The following GAS7 variants were observed in gnomAD, a reference collection of about 807,000 sequenced individuals.
GAS7 encodes growth arrest-specific protein 7.
In GAS7, 28 loss-of-function variants were observed where a neutral mutation model predicts 71.1. That is an observed-to-expected ratio of 0.39 (90% CI 0.29 to 0.54). The LOEUF is 0.54. Ranked by LOEUF, GAS7 falls within the 20% of genes least tolerant of loss-of-function variation. The probability of loss-of-function intolerance (pLI) is 0.62; values close to 1 mark genes in which losing one functional copy is unlikely to be tolerated. For synonymous variants in GAS7, 258 were observed against 245.8 expected, an observed-to-expected ratio of 1.05 and a Z score of -0.46; for missense variants, 436 against 627.8, an observed-to-expected ratio of 0.69 and a Z score of 3.27.
chr17:10,114,937 G>T (rs1038228597), intron 1 of GAS7, among the ~76,000 whole-genome samples: 6 of 152,210 alleles, frequency 3.9e-5, no homozygotes, highest in Non-Finnish European at 8.8e-5. Context: ...AGTCAGGGCT[G>T]CCTCCTCGCT....
intron 1 of GAS7, among the ~76,000 whole-genome samples, chr17:10,166,685 T>C (rs990201884): frequency 5.9e-5 from 9 of 152,260 alleles, no homozygotes; most frequent in Non-Finnish European, 1.3e-4. Context: ...CAGCCTTTAC[T>C]TACTATGAAC....
At chr17:9,983,199 C>T (rs1398650631) in intron 2 of GAS7, among the ~76,000 whole-genome samples, 1 of 152,020 alleles carries the variant, frequency 6.6e-6, no homozygotes, top group Non-Finnish European at 1.5e-5. Context: ...GAATACCTTT[C>T]CAAAATCTGT....
intron 1 of GAS7, among the ~76,000 whole-genome samples, chr17:10,039,531 A>C (rs1457354666): frequency 1.3e-5 from 2 of 152,046 alleles, no homozygotes; most frequent in African/African-American, 2.4e-5. Context: ...AAAATACAAA[A>C]AATTGGCTAG....
At chr17:9,922,242 G>C (rs1050864984) in intron 11 of GAS7, among the ~76,000 whole-genome samples, 1 of 152,116 alleles carries the variant, frequency 6.6e-6, no homozygotes, top group East Asian at 1.9e-4. Flanking sequence ...CTGAGGATCT[G>C]ATGTCTTTCC....
At chr17:10,172,573 A>C (rs1489888695) in intron 1 of GAS7, among the ~76,000 whole-genome samples, 1 of 152,270 alleles carries the variant, frequency 6.6e-6, no homozygotes, top group Non-Finnish European at 1.5e-5. Flanking sequence ...CAAAGAAAAA[A>C]TGAGGAACAT....
At chr17:10,133,130 T>TA (rs2074011933) in intron 1 of GAS7, among the ~76,000 whole-genome samples, 1 of 95,152 alleles carries the variant, frequency 1.1e-5, no homozygotes, top group Non-Finnish European at 2.5e-5. Flanking sequence ...ATATTTTTTT[T>TA]TTTTCTTTTT....
At chr17:10,087,231 T>G (rs1241135869) in intron 1 of GAS7, among the ~76,000 whole-genome samples, 3 of 152,152 alleles carry the variant, frequency 2.0e-5, no homozygotes. Flanking sequence ...AGCACATGGG[T>G]TCAGCTACCC....
chr17:10,002,424 A>G (rs970334013), intron 2 of GAS7, among the ~76,000 whole-genome samples: 1 of 151,018 alleles, frequency 6.6e-6, no homozygotes, highest in Non-Finnish European at 1.5e-5. Flanking sequence ...TATTTTTTTA[A>G]TTATACTTTA....
intron 11 of GAS7, chr17:9,924,626 C>G (rs567862076): frequency 1.3e-5 from 2 of 148,626 alleles, no homozygotes; most frequent in Non-Finnish European, 3.0e-5. Context: ...AAACGTTATC[C>G]TTCTATTACA....
chr17:9,916,288 GGCAGCCCAAAGGT>G lies in GAS7; in HGVS notation c.*927_*939del. 1 of 233,354 alleles carries G rather than the reference GGCAGCCCAAAGGT, an allele frequency of 4.3e-6. No homozygotes were observed. The highest frequency in any genetic ancestry group is 5.6e-5 in the Admixed American group (1 of 17,804). The allele number at this position is 233,354 out of a possible 1,614,324, so 14.5% of individuals were successfully genotyped here. A position where few individuals can be genotyped will look rare whatever the true frequency, so the allele number is the denominator to read the frequency against. ...GGCGGCCCGGGAGAGTGGGGGCCAG[GGCAGCCCAAAGGT>G]GCACAGGGCACCGTGGCGGACAGGC... On this transcript the variant is annotated 3_prime_UTR_variant, in exon 14 of 14. Coordinates refer to ENST00000432992, the MANE Select transcript of GAS7 (RefSeq NM_201433.2).
chr17:10,083,343 A>G (rs1256416443), intron 1 of GAS7, among the ~76,000 whole-genome samples: 1 of 152,206 alleles, frequency 6.6e-6, no homozygotes, highest in East Asian at 1.9e-4. Flanking sequence ...CGTGGCCAAC[A>G]TGGTAAAACC....
intron 1 of GAS7, among the ~76,000 whole-genome samples, chr17:10,177,886 G>C (rs2074384798): frequency 6.6e-6 from 1 of 152,068 alleles, no homozygotes; most frequent in Non-Finnish European, 1.5e-5. Context: ...GCCACCCAGA[G>C]TAACAAAGCC....
chr17:10,091,170 A>T (rs1363736197), intron 1 of GAS7, among the ~76,000 whole-genome samples: 1 of 152,062 alleles, frequency 6.6e-6, no homozygotes, highest in African/African-American at 2.4e-5. Flanking sequence ...TTCCAAAAAG[A>T]CCCATTAAAA....
At chr17:10,077,869 CAAGA>C in intron 1 of GAS7, among the ~76,000 whole-genome samples, 2 of 151,940 alleles carry the variant, frequency 1.3e-5, no homozygotes, top group Admixed American at 1.3e-4. Context: ...AAAAAGCAGA[CAAGA>C]AAGAAAGAAA....
chr17:9,955,246 T>C (rs917154302), intron 5 of GAS7, among the ~76,000 whole-genome samples: 10 of 152,156 alleles, frequency 6.6e-5, no homozygotes, highest in African/African-American at 2.4e-4. Context: ...GACAGGACTT[T>C]CCGCATGTGG....
intron 3 of GAS7, among the ~76,000 whole-genome samples, chr17:9,980,568 T>C (rs754436929): frequency 6.6e-6 from 1 of 152,234 alleles, no homozygotes; most frequent in Non-Finnish European, 1.5e-5. Context: ...TTGACTTTCA[T>C]GCTTTGCTGC....
intron 1 of GAS7, among the ~76,000 whole-genome samples, chr17:10,067,873 G>A (rs1302822383): frequency 6.6e-6 from 1 of 152,168 alleles, no homozygotes; most frequent in African/African-American, 2.4e-5. Context: ...ACTGAATCAG[G>A]TCCTTCGGAG....
intron 5 of GAS7, among the ~76,000 whole-genome samples, chr17:9,952,211 T>C (rs2069047703): frequency 6.6e-6 from 1 of 152,122 alleles, no homozygotes. Context: ...TCTCAAGTGA[T>C]GCTGAAGGTC....
chr17:10,006,379 G>C (rs1275696673), intron 2 of GAS7, among the ~76,000 whole-genome samples: 1 of 140,120 alleles, frequency 7.1e-6, no homozygotes, highest in Non-Finnish European at 1.5e-5. Flanking sequence ...GCCCAGGCTG[G>C]AGTGCAGTGG....
Sources: gnomAD v4.1 joint callset for allele counts (sites outside exome capture counted in the v4.1 genomes callset) on GRCh38, gnomAD v4.1.1 for gene constraint, MANE v1.5 for transcripts, NCBI Gene and HGNC (gene_info 2026-07-23, HGNC 2026-07-21) for gene names.